Variants in KIF6 observed in about 807,000 individuals in gnomAD.
KIF6 encodes kinesin-like protein KIF6.
Under a neutral mutation model 112.7 loss-of-function variants are expected in KIF6, and 106 were observed. That is an observed-to-expected ratio of 0.94 (90% CI 0.80 to 1.11). The LOEUF (loss-of-function observed/expected upper bound fraction) is 1.11, where lower values mean the gene tolerates loss of function less well. KIF6 is among the 50% of genes least tolerant of loss of function. The pLI, the probability that KIF6 is intolerant of heterozygous loss-of-function variation, is 0.00. For synonymous variants in KIF6, 339 were observed against 339.9 expected (o/e 1.00, Z 0.03); for missense variants, 929 against 964.0 (o/e 0.96, Z 0.48).
At chr6:39,597,904 G>T (rs1458157628) in intron 6 of KIF6, among the ~76,000 whole-genome samples, 1 of 152,106 alleles carries the variant, frequency 6.6e-6, no homozygotes, top group Admixed American at 6.6e-5. Context: ...GGTGGCTCAC[G>T]TCTGTAATCC....
At chr6:39,453,311 A>G (rs1772824165) in intron 13 of KIF6, among the ~76,000 whole-genome samples, 3 of 152,212 alleles carry the variant, frequency 2.0e-5, no homozygotes, top group Admixed American at 6.5e-5. Context: ...ACCACAGTAA[A>G]GGGAAATGGG....
intron 3 of KIF6, among the ~76,000 whole-genome samples, chr6:39,642,299 A>C (rs1784947297): frequency 6.6e-6 from 1 of 152,202 alleles, no homozygotes; most frequent in Non-Finnish European, 1.5e-5. Context: ...TGTTTATGTA[A>C]GACAAACAGC....
intron 1 of KIF6, among the ~76,000 whole-genome samples, chr6:39,722,333 A>G (rs1227495068): frequency 6.6e-6 from 1 of 152,238 alleles, no homozygotes; most frequent in Non-Finnish European, 1.5e-5. Flanking sequence ...TGAGGCCTTA[A>G]GAAAAGTCCC....
intron 2 of KIF6, among the ~76,000 whole-genome samples, chr6:39,717,913 CTTTG>C (rs1259759215): frequency 2.0e-5 from 3 of 151,986 alleles, no homozygotes; most frequent in East Asian, 3.9e-4. Context: ...AACAATTGCA[CTTTG>C]TTTGTATCTA....
chr6:39,584,350 G>A (rs900100113), intron 9 of KIF6, among the ~76,000 whole-genome samples: 4 of 142,558 alleles, frequency 2.8e-5, no homozygotes, highest in East Asian at 2.0e-4. Flanking sequence ...CTTGAGAGGC[G>A]GAGGTTGCAG....
At chr6:39,722,970 T>TGGGTGGGG (rs1790310835) in intron 1 of KIF6, among the ~76,000 whole-genome samples, 1 of 152,138 alleles carries the variant, frequency 6.6e-6, no homozygotes, top group Non-Finnish European at 1.5e-5. Flanking sequence ...AATCCAAGAC[T>TGGGTGGGG]CTCCATCCAC....
intron 7 of KIF6, among the ~76,000 whole-genome samples, chr6:39,587,152 C>T (rs747452511): frequency 3.3e-5 from 5 of 152,096 alleles, no homozygotes; most frequent in Admixed American, 6.6e-5. Flanking sequence ...GGAGCAAAGG[C>T]TGCTGGGGTT....
At chr6:39,623,662 CATA>C (rs1322258165) in intron 5 of KIF6, among the ~76,000 whole-genome samples, 2 of 152,160 alleles carry the variant, frequency 1.3e-5, no homozygotes, top group African/African-American at 4.8e-5. Flanking sequence ...ATCTCTGTTT[CATA>C]ATAACTAACT....
intron 3 of KIF6, among the ~76,000 whole-genome samples, chr6:39,649,721 T>G (rs182175792): frequency 0.026 from 1,523 of 59,404 alleles, 34 homozygotes; most frequent in African/African-American, 0.068. Context: ...ACACTCTGAT[T>G]AAAGAAAGAA....
intron 9 of KIF6, among the ~76,000 whole-genome samples, chr6:39,582,839 G>A (rs980988318): frequency 6.6e-6 from 1 of 152,144 alleles, no homozygotes; most frequent in Non-Finnish European, 1.5e-5. Flanking sequence ...TGGTTTGTAG[G>A]ACAAATTCTC....
Position 39,576,743 on chromosome 6 carries a change from T to C in KIF6, c.1181+1313A>G, listed in dbSNP as rs139222844. ...TGTTGTCCCTGCAATCCTAGGGGCA[T>C]AGAAGCTCCTGCTGTTACTGATCTC... On this transcript the variant is annotated intron_variant, in intron 10 of 22. Coordinates refer to ENST00000287152, the MANE Select transcript of KIF6 (RefSeq NM_145027.6). Among the ~76,000 whole-genome samples, 92 of 152,302 alleles carry C rather than the reference T, an allele frequency of 6.0e-4. No homozygotes were observed. The Middle Eastern group carries it at 0.01, about 17-fold the overall frequency.
intron 15 of KIF6, among the ~76,000 whole-genome samples, chr6:39,389,492 AG>A (rs1319101466): frequency 6.6e-6 from 1 of 152,188 alleles, no homozygotes; most frequent in African/African-American, 2.4e-5. Context: ...CACTCGTAGA[AG>A]GCTCTATCCT....
intron 16 of KIF6, among the ~76,000 whole-genome samples, chr6:39,368,676 G>A (rs1765748832): frequency 6.6e-6 from 1 of 152,206 alleles, no homozygotes; most frequent in Non-Finnish European, 1.5e-5. Flanking sequence ...CAGCTTGCCT[G>A]CTAGGTGTGA....
chr6:39,443,658 G>A (rs935493582), intron 13 of KIF6, among the ~76,000 whole-genome samples: 1 of 152,076 alleles, frequency 6.6e-6, no homozygotes, highest in African/African-American at 2.4e-5. Flanking sequence ...TGGCCAGACT[G>A]TTCTCGAACT....
At position 39,335,142 on chromosome 6, in the gene KIF6, A is replaced by G. The variant is rs923741875; in HGVS notation, c.*1390T>C. On this transcript the variant is annotated 3_prime_UTR_variant, in exon 23 of 23. Coordinates refer to ENST00000287152, the MANE Select transcript of KIF6 (RefSeq NM_145027.6). ...CTTAGTATTATGGGGGGTTGCAGGTATTTCAAAAATAGGCAAGTTCGGAAG... is the reference window on the plus strand; with the variant it reads ...CTTAGTATTATGGGGGGTTGCAGGTGTTTCAAAAATAGGCAAGTTCGGAAG... 1 of 152,192 alleles carries G rather than the reference A, an allele frequency of 6.6e-6. No individual in the cohort carries two copies. The highest frequency in any genetic ancestry group is 6.5e-5 in the Admixed American group (1 of 15,284). The allele number at this position is 152,192 out of a possible 1,614,324, so 9.4% of individuals were successfully genotyped here.
chr6:39,416,098 G>A (rs1292786457), intron 15 of KIF6, among the ~76,000 whole-genome samples: 1 of 152,206 alleles, frequency 6.6e-6, no homozygotes, highest in African/African-American at 2.4e-5. Context: ...GCCAAGAGGT[G>A]TCAGTCAAGC....
chr6:39,718,226 T>C (rs549041834), intron 2 of KIF6, among the ~76,000 whole-genome samples: 26 of 66,348 alleles, frequency 3.9e-4, no homozygotes, highest in African/African-American at 1.8e-3. Context: ...TGAGACTCCA[T>C]CTCAAAAAAA....
rs115485865 is a variant in KIF6, at chr6:39,676,576, A to C, written c.252-36819T>G. Among the ~76,000 whole-genome samples the C allele has an allele frequency of 8.7e-3, 1,323 of 152,258 alleles. 20 individuals carry two copies. The highest frequency in any genetic ancestry group is 0.03 in the African/African-American group (1,259 of 41,572). On this transcript the variant is annotated intron_variant, in intron 3 of 22. Transcript: ENST00000287152. ...AGATTTTTTAAATAAAATAACAGTA[A>C]TTACTAATGAGTCATATAAAAACAA...
chr6:39,538,274 CAGGCAACCTACAACATGG>C (rs1778560971), intron 13 of KIF6, among the ~76,000 whole-genome samples: 1 of 151,202 alleles, frequency 6.6e-6, no homozygotes. Flanking sequence ...TCAGAGTGAA[CAGGCAACCTACAACATGG>C]GAGAAAATTT....
Sources: gnomAD v4.1 joint callset for allele counts (sites outside exome capture counted in the v4.1 genomes callset) on GRCh38, gnomAD v4.1.1 for gene constraint, MANE v1.5 for transcripts, NCBI Gene and HGNC (gene_info 2026-07-23, HGNC 2026-07-21) for gene names.